RPS6KA5: variants seen among roughly 807,000 people sequenced by gnomAD.
RPS6KA5 encodes ribosomal protein S6 kinase A5, also known as ribosomal protein S6 kinase alpha-5.
Under a neutral mutation model 85.5 loss-of-function variants are expected in RPS6KA5, and 27 were observed. That is an observed-to-expected ratio of 0.32 (90% CI 0.23 to 0.44). The LOEUF (loss-of-function observed/expected upper bound fraction) is 0.44. Among genes scored for constraint, RPS6KA5 ranks in the 20% least tolerant of loss-of-function variants. The probability of loss-of-function intolerance (pLI) is 1.00; values close to 1 mark genes in which losing one functional copy is unlikely to be tolerated. For synonymous variants in RPS6KA5, 334 were observed against 348.2 expected (o/e 0.96, Z 0.46); for missense variants, 811 against 980.9 (o/e 0.83, Z 2.31).
At chr14:91,006,831 A>G (rs2041040695) in intron 1 of RPS6KA5, among the ~76,000 whole-genome samples, 1 of 152,118 alleles carries the variant, frequency 6.6e-6, no homozygotes, top group Non-Finnish European at 1.5e-5. Context: ...AGCCTCCCAA[A>G]GTGCTGGGAT....
intron 2 of RPS6KA5, among the ~76,000 whole-genome samples, chr14:90,991,647 A>G (rs1357128628): frequency 6.9e-6 from 1 of 143,940 alleles, no homozygotes; most frequent in Non-Finnish European, 1.5e-5. Flanking sequence ...GGTTGCAGTG[A>G]GCTGAGATCA....
At chr14:90,916,250 A>G (rs935129476) in intron 7 of RPS6KA5, among the ~76,000 whole-genome samples, 4 of 152,190 alleles carry the variant, frequency 2.6e-5, no homozygotes, top group African/African-American at 7.2e-5. Context: ...CCATGATGGC[A>G]CAACTATCAG....
In RPS6KA5 at chr14:90,958,268, T is replaced by A. The variant is rs2038626558; in HGVS notation, c.395-10718A>T. 2.0e-5 allele frequency among the ~76,000 whole-genome samples: 3 copies of A among 152,262 alleles called. No individual in the cohort carries two copies. In the South Asian group the frequency reaches 6.2e-4, roughly 31 times the overall value. On this transcript the variant is annotated intron_variant, in intron 3 of 16. Coordinates refer to ENST00000614987, the MANE Select transcript of RPS6KA5 (RefSeq NM_004755.4). Reference sequence around the variant, plus strand: ...ACAAAAAAGTCTGCTTGGATTTTTATTTGGAAAATTTTGCATCCATAGTTC... The same window carrying A: ...ACAAAAAAGTCTGCTTGGATTTTTAATTGGAAAATTTTGCATCCATAGTTC...
chr14:91,012,456 A>G (rs2041300859), intron 1 of RPS6KA5, among the ~76,000 whole-genome samples: 1 of 152,164 alleles, frequency 6.6e-6, no homozygotes, highest in Non-Finnish European at 1.5e-5. Flanking sequence ...TCTCATTTTT[A>G]TATGTTCAAT....
At chr14:90,981,957 C>T (rs994301231) in intron 2 of RPS6KA5, among the ~76,000 whole-genome samples, 4 of 152,218 alleles carry the variant, frequency 2.6e-5, no homozygotes, top group African/African-American at 9.6e-5. Flanking sequence ...ACATTCCATA[C>T]TGGAGAGAAC....
intron 1 of RPS6KA5, among the ~76,000 whole-genome samples, chr14:91,013,704 A>AT (rs1421515231): frequency 6.6e-6 from 1 of 152,232 alleles, no homozygotes; most frequent in African/African-American, 2.4e-5. Flanking sequence ...GCAATAAAAG[A>AT]TTTTAAGGAG....
In RPS6KA5 at chr14:90,979,180, G is replaced by A. The variant is rs74502215; in HGVS notation, c.176-656C>T. Among the ~76,000 whole-genome samples, 651 of 152,332 alleles carry A rather than the reference G, an allele frequency of 4.3e-3. 4 individuals are homozygous for A. Among genetic ancestry groups the A allele is most frequent in the African/African-American group, 0.014 (600 of 41,578 alleles). ...AGGACTCTGTTGGGCATGATCCTAC[G>A]TGTGGTGCCCCTCCTCCAGGTGGAG... On this transcript the variant is annotated intron_variant, in intron 2 of 16. Coordinates refer to ENST00000614987, the MANE Select transcript of RPS6KA5 (RefSeq NM_004755.4).
chr14:90,931,488 A>G (rs920232121), intron 5 of RPS6KA5, among the ~76,000 whole-genome samples: 7 of 152,308 alleles, frequency 4.6e-5, no homozygotes, highest in Admixed American at 2.6e-4. Context: ...ATATATTCAC[A>G]AACAGTTAAG....
chr14:90,887,184 G>A (rs1431090981), intron 14 of RPS6KA5, among the ~76,000 whole-genome samples: 2 of 151,974 alleles, frequency 1.3e-5, no homozygotes, highest in Non-Finnish European at 2.9e-5. Flanking sequence ...TAAAAAGAAA[G>A]GACTTTTGTT....
intron 1 of RPS6KA5, among the ~76,000 whole-genome samples, chr14:91,026,258 T>C (rs763758187): frequency 3.9e-5 from 6 of 152,314 alleles, no homozygotes; most frequent in Non-Finnish European, 8.8e-5. Flanking sequence ...GATTTTTTGT[T>C]CTCACTCTGT....
At chr14:90,985,937 C>T (rs143253211) in intron 2 of RPS6KA5, among the ~76,000 whole-genome samples, 1 of 152,170 alleles carries the variant, frequency 6.6e-6, no homozygotes, top group East Asian at 1.9e-4. Flanking sequence ...TTTGAAAGGA[C>T]TAGATAAAAG....
chr14:90,984,260 G>A (rs891479086), intron 2 of RPS6KA5, among the ~76,000 whole-genome samples: 2 of 152,210 alleles, frequency 1.3e-5, no homozygotes, highest in Admixed American at 1.3e-4. Context: ...AAGAACAAAT[G>A]ACAGGAAGGA....
At position 90,937,352 on chromosome 14, in the gene RPS6KA5, T is replaced by C. The variant is rs1303106419; in HGVS notation, c.618+5726A>G. 3.3e-5 allele frequency among the ~76,000 whole-genome samples: 5 copies of C among 152,102 alleles called. 2 individuals are homozygous for C. The Middle Eastern group carries it at 0.01, about 310-fold the overall frequency. ...GGACATGTGAGTAAGTAGAGACAAA[T>C]ACTGACAAAGGAGAACAATGAGACA... On this transcript the variant is annotated intron_variant, in intron 5 of 16. Coordinates refer to ENST00000614987, the MANE Select transcript of RPS6KA5 (RefSeq NM_004755.4).
At position 90,871,984 on chromosome 14, in the gene RPS6KA5, G is replaced by A; in HGVS notation, c.*90C>T. The A allele has an allele frequency of 1.6e-5, 24 of 1,489,246 alleles. No homozygotes were observed. Among genetic ancestry groups the A allele is most frequent in the Middle Eastern group, 4.9e-4 (2 of 4,122 alleles). 92.3% of individuals were successfully genotyped at this position (1,489,246 alleles called of 1,614,324 possible). ...GGAGGCAGATTCCAATGAGACCAAC[G>A]GGAAACATTTTTAAAAGCATAAAAG... On this transcript the variant is annotated 3_prime_UTR_variant, in exon 17 of 17. Coordinates refer to ENST00000614987, the MANE Select transcript of RPS6KA5 (RefSeq NM_004755.4).
At chr14:90,948,626 C>T (rs1246907949) in intron 3 of RPS6KA5, among the ~76,000 whole-genome samples, 2 of 151,378 alleles carry the variant, frequency 1.3e-5, no homozygotes, top group African/African-American at 2.4e-5. Flanking sequence ...ACCTGGGAGG[C>T]GGAGGTTGCA....
intron 7 of RPS6KA5, among the ~76,000 whole-genome samples, chr14:90,918,810 T>C (rs1279318449): frequency 6.6e-6 from 1 of 152,234 alleles, no homozygotes; most frequent in Non-Finnish European, 1.5e-5. Flanking sequence ...TCAAAAATCA[T>C]TTGCCATTGA....
chr14:91,022,061 G>A (rs1361236388), intron 1 of RPS6KA5, among the ~76,000 whole-genome samples: 3 of 152,130 alleles, frequency 2.0e-5, no homozygotes, highest in Admixed American at 1.3e-4. Context: ...TAAATCTGGT[G>A]CACAAATATT....
At chr14:90,943,753 A>G (rs2037719291) in intron 4 of RPS6KA5, among the ~76,000 whole-genome samples, 1 of 152,236 alleles carries the variant, frequency 6.6e-6, no homozygotes, top group South Asian at 2.1e-4. Flanking sequence ...TGTATAAAAT[A>G]GGAAATTTAT....
rs1251626791 is a variant in RPS6KA5, at chr14:91,003,622, C to T, written c.104-2463G>A. On this transcript the variant is annotated intron_variant, in intron 1 of 16. Transcript: ENST00000614987. ...GGTTTCCAGGTAATGAGAAGCAGCT[C>T]AAGGTATGTTCTCTTTGGCTCCTCC... 8.5e-5 allele frequency among the ~76,000 whole-genome samples: 13 copies of T among 152,316 alleles called. No homozygotes were observed. The East Asian group carries it at 2.5e-3, about 29-fold the overall frequency.
Sources: gnomAD v4.1 joint callset for allele counts (sites outside exome capture counted in the v4.1 genomes callset) on GRCh38, gnomAD v4.1.1 for gene constraint, MANE v1.5 for transcripts, NCBI Gene and HGNC (gene_info 2026-07-23, HGNC 2026-07-21) for gene names.